Variants in FREM3 observed in about 807,000 individuals in gnomAD.
FREM3 encodes FRAS1-related extracellular matrix protein 3.
In FREM3, 105 loss-of-function variants were observed where a neutral mutation model predicts 129.1. The observed-to-expected ratio is 0.81, with a 90% confidence interval of 0.69 to 0.96. The LOEUF (loss-of-function observed/expected upper bound fraction) is 0.96. Ranked by LOEUF, FREM3 falls within the 40% of genes least tolerant of loss-of-function variation. The pLI is 0.00. For missense variants in FREM3, 2,593 were observed against 2,666.3 expected (o/e 0.97, Z 0.61); for synonymous variants, 1,014 against 1,044.9 (o/e 0.97, Z 0.57).
chr4:143,613,425 C>T (rs995586497), intron 5 of FREM3, among the ~76,000 whole-genome samples: 1 of 152,136 alleles, frequency 6.6e-6, no homozygotes, highest in African/African-American at 2.4e-5. Context: ...TCAAGTCAAC[C>T]AGGATAGGCT....
intron 5 of FREM3, among the ~76,000 whole-genome samples, chr4:143,618,490 A>G (rs1005277553): frequency 6.6e-5 from 10 of 151,726 alleles, no homozygotes; most frequent in Non-Finnish European, 1.2e-4. Flanking sequence ...TAGCATCTTG[A>G]CTCTTGCATA....
At chr4:143,644,526 A>ACAT (rs1225317970) in intron 2 of FREM3, among the ~76,000 whole-genome samples, 1 of 152,098 alleles carries the variant, frequency 6.6e-6, no homozygotes, top group Non-Finnish European at 1.5e-5. Flanking sequence ...CTTCACTTCC[A>ACAT]CATCTTTAAT....
chr4:143,617,040 C>T (rs1738864240), intron 5 of FREM3, among the ~76,000 whole-genome samples: 1 of 152,134 alleles, frequency 6.6e-6, no homozygotes, highest in Non-Finnish European at 1.5e-5. Flanking sequence ...CTGTGGTTTG[C>T]TATTCATTGG....
intron 2 of FREM3, among the ~76,000 whole-genome samples, chr4:143,666,052 T>C: frequency 6.6e-6 from 1 of 152,130 alleles, no homozygotes; most frequent in Non-Finnish European, 1.5e-5. Flanking sequence ...TATTGATTGC[T>C]CTTCTTAGTT....
At position 143,693,151 on chromosome 4, in the gene FREM3, G is replaced by T; in HGVS notation, c.5237C>A (p.Ala1746Glu). ...AGAGAAATAGAAGATGTCCTTTGATGCGTTGCTGCCCTCATTCAAGACATA... is the reference window on the plus strand; with the variant it reads ...AGAGAAATAGAAGATGTCCTTTGATTCGTTGCTGCCCTCATTCAAGACATA... ...ISYVLNEGSN[A>E]SKDIFYFSVE... is the part of the protein sequence containing the mutation. The change falls in exon 2 of 8, where the codon GCA becomes GAA. Residue 1746 changes from alanine to glutamate, a missense_variant. Around this residue, in one of 2 missense-constraint regions of FREM3, gnomAD observed 2,276 missense variants for 2,267.2 expected, o/e 1.00. Transcript: ENST00000329798. The T allele has an allele frequency of 6.6e-7, 1 of 1,522,296 alleles. No homozygotes were observed. Among genetic ancestry groups the T allele is most frequent in the Non-Finnish European group, 8.8e-7 (1 of 1,138,260 alleles). The allele number at this position is 1,522,296 out of a possible 1,614,324, so 94.3% of individuals were successfully genotyped here. A position where few individuals can be genotyped will look rare whatever the true frequency, so the allele number is the denominator to read the frequency against.
intron 2 of FREM3, among the ~76,000 whole-genome samples, chr4:143,687,652 A>C (rs1249737676): frequency 1.3e-5 from 2 of 152,196 alleles, no homozygotes; most frequent in African/African-American, 4.8e-5. Context: ...TATATCAAAA[A>C]GATAATCTAC....
rs753227949 is a variant in FREM3, at chr4:143,696,369, A to C, written c.4307T>G (p.Leu1436Trp). Reference sequence around the variant, plus strand: ...AAGGGTCACTCTGGCACCTTCTATCAAGGTGATCCTTTTGCTGATTACCTC... The same window carrying C: ...AAGGGTCACTCTGGCACCTTCTATCCAGGTGATCCTTTTGCTGATTACCTC... ...FPEVISKRIT[L>W]IEGARVTLTN... The change falls in exon 1 of 8, where the codon TTG becomes TGG. Residue 1436 changes from leucine (L) to tryptophan (W), a missense_variant. Around this residue, in one of 2 missense-constraint regions of FREM3, gnomAD observed 2,276 missense variants for 2,267.2 expected, o/e 1.00. Coordinates refer to ENST00000329798, the MANE Select transcript of FREM3 (RefSeq NM_001168235.2). 6.5e-7 allele frequency: 1 copy of C among 1,537,302 alleles called. No individual in the cohort carries two copies.
At chr4:143,655,757 G>C (rs921497660) in intron 2 of FREM3, among the ~76,000 whole-genome samples, 1 of 152,176 alleles carries the variant, frequency 6.6e-6, no homozygotes, top group Non-Finnish European at 1.5e-5. Flanking sequence ...GAGCAAATCG[G>C]AGTGAACCTG....
rs113759927 is a variant in FREM3, at chr4:143,677,901, A to G, written c.5275+15212T>C. The stretch of plus-strand genomic sequence containing the variant: ...AAAGTCAGGAAACAACAGGTGCTGG[A>G]GAGGATGTGGAGAAATAGGAACACT... On this transcript the variant is annotated intron_variant, in intron 2 of 7. Transcript: ENST00000329798. Among the ~76,000 whole-genome samples, 269 of 152,326 alleles carry G rather than the reference A, an allele frequency of 1.8e-3. 1 individual carries two copies. Among genetic ancestry groups the G allele is most frequent in the African/African-American group, 5.8e-3 (242 of 41,574 alleles).
chr4:143,636,021 G>A (rs977691387), intron 2 of FREM3, among the ~76,000 whole-genome samples: 2 of 152,056 alleles, frequency 1.3e-5, no homozygotes, highest in Non-Finnish European at 2.9e-5. Context: ...CTATAAAGTG[G>A]GGGTAAAGAG....
In FREM3 at chr4:143,695,942, CTGGGTGA is replaced by C. The variant is rs1412108555; in HGVS notation, c.4727_4733del (p.Ile1576ArgfsTer16). ...ACAAAATCTTGCCATGCATGGGGAC[CTGGGTGA>C]TGGTAAAGAGAATAAGGTCATCTGG... On this transcript the variant is annotated frameshift_variant, in exon 1 of 8. Transcript: ENST00000329798. LOFTEE classifies it high-confidence loss of function. The C allele has an allele frequency of 1.5e-5, 23 of 1,537,782 alleles. No homozygotes were observed. Among genetic ancestry groups the C allele is most frequent in the Non-Finnish European group, 1.9e-5 (22 of 1,147,054 alleles).
At chr4:143,665,178 C>T (rs1400198269) in intron 2 of FREM3, among the ~76,000 whole-genome samples, 19 of 152,208 alleles carry the variant, frequency 1.2e-4, no homozygotes, top group African/African-American at 4.8e-5. Flanking sequence ...CCGTCTTCTG[C>T]GTTGCTCACG....
At chr4:143,599,386 C>A (rs1738534521) in intron 6 of FREM3, among the ~76,000 whole-genome samples, 1 of 152,096 alleles carries the variant, frequency 6.6e-6, no homozygotes, top group African/African-American at 2.4e-5. Context: ...TCAGTATGGA[C>A]ACTTGGGAAA....
At chr4:143,694,486 T>C (rs1268056823) in intron 1 of FREM3, among the ~76,000 whole-genome samples, 4 of 152,216 alleles carry the variant, frequency 2.6e-5, no homozygotes, top group Non-Finnish European at 4.4e-5. Flanking sequence ...TGTTTTTATA[T>C]TGGTAATTAT....
At chr4:143,607,534 GC>G (rs1229544476) in intron 6 of FREM3, among the ~76,000 whole-genome samples, 1 of 152,162 alleles carries the variant, frequency 6.6e-6, no homozygotes, top group Non-Finnish European at 1.5e-5. Context: ...AAAAGGGCAT[GC>G]AGTCAGAAGG....
chr4:143,678,395 T>C (rs543412439), intron 2 of FREM3, among the ~76,000 whole-genome samples: 1 of 151,714 alleles, frequency 6.6e-6, no homozygotes, highest in Non-Finnish European at 1.5e-5. Flanking sequence ...CTGTTGTTGG[T>C]TGGGGGGATG....
At chr4:143,611,699 ACT>A (rs1470333383) in intron 5 of FREM3, among the ~76,000 whole-genome samples, 172 bp from the exon 6 acceptor site, 1 of 152,184 alleles carries the variant, frequency 6.6e-6, no homozygotes, top group Non-Finnish European at 1.5e-5. Context: ...TTTGGAATAG[ACT>A]CTGGTATTTT....
At chr4:143,588,523 T>C (rs1289293627) in intron 6 of FREM3, among the ~76,000 whole-genome samples, 1 of 152,106 alleles carries the variant, frequency 6.6e-6, no homozygotes, top group Non-Finnish European at 1.5e-5. Flanking sequence ...GATAGTTTGC[T>C]GAGAATGATG....
At chr4:143,665,081 G>A (rs1407473254) in intron 2 of FREM3, among the ~76,000 whole-genome samples, 1 of 152,110 alleles carries the variant, frequency 6.6e-6, no homozygotes, top group African/African-American at 2.4e-5. Context: ...CTCGCGCACG[G>A]TGTGCTGCAC....
Sources: allele counts gnomAD v4.1 joint callset (sites outside exome capture counted in the v4.1 genomes callset), GRCh38; gene constraint gnomAD v4.1.1; regional missense constraint gnomAD v4.1.1; transcripts MANE v1.5; gene names NCBI Gene and HGNC (gene_info 2026-07-23, HGNC 2026-07-21).